RNF182: variants seen among roughly 807,000 people sequenced by gnomAD.
The protein encoded by RNF182 is E3 ubiquitin-protein ligase RNF182.
Under a neutral mutation model 14.4 loss-of-function variants are expected in RNF182, and 15 were observed. The ratio of observed to expected loss-of-function variants is 1.04; its 90% CI spans 0.70 to 1.60. RNF182 has a LOEUF of 1.60. Ranked by LOEUF, RNF182 falls within the 40% of genes most tolerant of loss-of-function variation. RNF182 has a pLI of 0.00. For synonymous variants in RNF182, 128 were observed against 122.9 expected, an observed-to-expected ratio of 1.04 and a Z score of -0.27; for missense variants, 268 against 294.8, an observed-to-expected ratio of 0.91 and a Z score of 0.67.
In RNF182 at chr6:13,962,641, A is replaced by G. The variant is rs1290946249; in HGVS notation, c.-366-11569A>G. On this transcript the variant is annotated intron_variant, in intron 1 of 2. Transcript: ENST00000488300. The stretch of plus-strand genomic sequence containing the variant: ...TAACTTCTATCAGTTTTCTTGTTAC[A>G]GAGCCATTTAAAATATATTGTCTCA... 2.0e-5 allele frequency among the ~76,000 whole-genome samples: 3 copies of G among 152,368 alleles called. No homozygotes were observed. In the South Asian group the frequency reaches 6.2e-4, roughly 32 times the overall value.
intron 1 of RNF182, among the ~76,000 whole-genome samples, chr6:13,956,453 T>G (rs1328979703): frequency 6.6e-6 from 1 of 152,016 alleles, no homozygotes; most frequent in Non-Finnish European, 1.5e-5. Flanking sequence ...GCCTCCCTAG[T>G]AGCTGGGATT....
At chr6:13,962,126 C>T (rs933085680) in intron 1 of RNF182, among the ~76,000 whole-genome samples, 4 of 152,166 alleles carry the variant, frequency 2.6e-5, no homozygotes, top group Admixed American at 6.5e-5. Context: ...CTGAGGCCAA[C>T]ATATTATTGT....
chr6:13,975,052 T>A (rs1760290088), intron 2 of RNF182, among the ~76,000 whole-genome samples: 2 of 152,196 alleles, frequency 1.3e-5, no homozygotes, highest in African/African-American at 4.8e-5. Flanking sequence ...CCAGGGGTAC[T>A]GTTGTAAGAG....
chr6:13,937,896 G>A (rs985203709), intron 1 of RNF182, among the ~76,000 whole-genome samples: 6 of 151,348 alleles, frequency 4.0e-5, no homozygotes, highest in Non-Finnish European at 5.9e-5. Flanking sequence ...TTCCTAATAA[G>A]TGATATTGAG....
intron 1 of RNF182, among the ~76,000 whole-genome samples, chr6:13,942,244 A>T (rs1759316248): frequency 6.6e-6 from 1 of 152,042 alleles, no homozygotes; most frequent in Non-Finnish European, 1.5e-5. Flanking sequence ...TTTGGTATTG[A>T]AGGGTTCTGT....
chr6:13,971,728 A>G (rs2113646127), intron 1 of RNF182, among the ~76,000 whole-genome samples: 1 of 152,336 alleles, frequency 6.6e-6, no homozygotes, highest in South Asian at 2.1e-4. Context: ...GATATGGACA[A>G]TAAGGTCCAG....
intron 1 of RNF182, among the ~76,000 whole-genome samples, chr6:13,958,779 C>T (rs757204372): frequency 2.6e-4 from 39 of 152,088 alleles, no homozygotes; most frequent in Non-Finnish European, 3.5e-4. Context: ...ATTTTGAAAA[C>T]GAGTAATTGG....
chr6:13,927,220 A>G (rs1210478112), intron 1 of RNF182, among the ~76,000 whole-genome samples: 1 of 152,228 alleles, frequency 6.6e-6, no homozygotes, highest in Non-Finnish European at 1.5e-5. Context: ...TGGCATGTTT[A>G]TATGTGTTAC....
intron 1 of RNF182, among the ~76,000 whole-genome samples, chr6:13,958,749 T>C (rs187633264): frequency 6.6e-6 from 1 of 152,186 alleles, no homozygotes; most frequent in South Asian, 2.1e-4. Context: ...AGTGCCATAA[T>C]AGAAAATAAG....
chr6:13,967,011 A>G (rs554710188), intron 1 of RNF182, among the ~76,000 whole-genome samples: 1 of 151,956 alleles, frequency 6.6e-6, no homozygotes, highest in East Asian at 1.9e-4. Flanking sequence ...TAATTTTTGT[A>G]TGTTTTTGTA....
chr6:13,957,889 T>C (rs929299097), intron 1 of RNF182, among the ~76,000 whole-genome samples: 7 of 152,226 alleles, frequency 4.6e-5, no homozygotes, highest in African/African-American at 1.7e-4. Context: ...AATTTTATTC[T>C]CTGAATTGTA....
chr6:13,937,636 A>G (rs747976187), intron 1 of RNF182, among the ~76,000 whole-genome samples: 10 of 152,226 alleles, frequency 6.6e-5, no homozygotes, highest in African/African-American at 9.6e-5. Flanking sequence ...AAACATTCTT[A>G]TACATGTGTA....
intron 1 of RNF182, among the ~76,000 whole-genome samples, chr6:13,958,681 T>C (rs2113625827): frequency 6.6e-6 from 1 of 152,318 alleles, no homozygotes; most frequent in South Asian, 2.1e-4. Context: ...AGTAGAAATT[T>C]AGAACAAACA....
intron 1 of RNF182, among the ~76,000 whole-genome samples, chr6:13,928,398 T>C (rs1585027547): frequency 6.6e-6 from 1 of 152,228 alleles, no homozygotes; most frequent in East Asian, 1.9e-4. Context: ...GACTTACTTG[T>C]TTCTCAGCTA....
intron 1 of RNF182, among the ~76,000 whole-genome samples, chr6:13,964,604 C>G (rs1286328114): frequency 6.6e-6 from 1 of 152,134 alleles, no homozygotes; most frequent in Non-Finnish European, 1.5e-5. Context: ...CAAGTGAAAC[C>G]CCAAGCTTTG....
intron 1 of RNF182, among the ~76,000 whole-genome samples, chr6:13,930,067 A>T (rs996996872): frequency 6.6e-6 from 1 of 152,206 alleles, no homozygotes; most frequent in Non-Finnish European, 1.5e-5. Flanking sequence ...GCATATCTGC[A>T]GGTTCCACAT....
intron 1 of RNF182, among the ~76,000 whole-genome samples, chr6:13,928,773 T>C (rs2113574416): frequency 6.6e-6 from 1 of 151,914 alleles, no homozygotes; most frequent in South Asian, 2.1e-4. Context: ...AACTAGGAGG[T>C]AGAGGCAGCA....
chr6:13,949,325 A>T, intron 1 of RNF182: 1 of 773,542 alleles, frequency 1.3e-6, no homozygotes, highest in Non-Finnish European at 2.4e-6. Context: ...GGTAATCTTT[A>T]ATAGAGTGGC....
intron 1 of RNF182, among the ~76,000 whole-genome samples, chr6:13,928,101 A>C (rs1758874269): frequency 6.6e-6 from 1 of 152,136 alleles, no homozygotes; most frequent in Non-Finnish European, 1.5e-5. Context: ...ACTTTTGTGG[A>C]CGTGTGTTTC....
Sources: gnomAD v4.1 joint callset for allele counts (sites outside exome capture counted in the v4.1 genomes callset) on GRCh38, gnomAD v4.1.1 for gene constraint, MANE v1.5 for transcripts, NCBI Gene and HGNC (gene_info 2026-07-23, HGNC 2026-07-21) for gene names.